DNAJC5B: variants seen among roughly 807,000 people sequenced by gnomAD.
DNAJC5B encodes DnaJ heat shock protein family (Hsp40) member C5 beta.
In DNAJC5B, 23 loss-of-function variants were observed where a neutral mutation model predicts 24.7. The ratio of observed to expected loss-of-function variants is 0.93; its 90% confidence interval spans 0.67 to 1.32. The LOEUF is 1.32. DNAJC5B is among the 40% of genes most tolerant of loss of function. The pLI is 0.00. For missense variants in DNAJC5B, 238 were observed against 240.8 expected, an observed-to-expected ratio of 0.99 and a Z score of 0.08; for synonymous variants, 101 against 90.1, an observed-to-expected ratio of 1.12 and a Z score of -0.68.
At chr8:66,092,321 G>A (rs993818576) in intron 5 of DNAJC5B, among the ~76,000 whole-genome samples, 17 of 152,126 alleles carry the variant, frequency 1.1e-4, no homozygotes, top group Admixed American at 7.2e-4. Flanking sequence ...GGAAATCACA[G>A]GCCTAAGCCA....
chr8:66,090,822 T>G (rs1397013558), intron 5 of DNAJC5B, among the ~76,000 whole-genome samples: 1 of 152,170 alleles, frequency 6.6e-6, no homozygotes, highest in African/African-American at 2.4e-5. Flanking sequence ...CACTCACCAC[T>G]CAAGCTTCAT....
chr8:66,027,240 T>C (rs1806265197), intron 1 of DNAJC5B, among the ~76,000 whole-genome samples: 1 of 152,210 alleles, frequency 6.6e-6, no homozygotes, highest in Admixed American at 6.5e-5. Flanking sequence ...CGGAAATCTT[T>C]GAGATTCATT....
chr8:66,038,974 TA>T (rs1442620922), intron 1 of DNAJC5B, among the ~76,000 whole-genome samples: 1 of 152,206 alleles, frequency 6.6e-6, no homozygotes, highest in African/African-American at 2.4e-5. Flanking sequence ...AAAGTTTACT[TA>T]ACCAAAGGAA....
intron 5 of DNAJC5B, among the ~76,000 whole-genome samples, chr8:66,097,045 C>A (rs1320774008): frequency 6.6e-6 from 1 of 152,148 alleles, no homozygotes; most frequent in South Asian, 2.1e-4. Flanking sequence ...AATAACAACC[C>A]TACCTCATAG....
intron 5 of DNAJC5B, among the ~76,000 whole-genome samples, chr8:66,086,761 C>G (rs1006876068): frequency 1.1e-4 from 16 of 152,034 alleles, no homozygotes; most frequent in African/African-American, 2.7e-4. Context: ...GGAGATTTGA[C>G]CAGCATATGA....
chr8:66,084,950 A>G (rs1807688035), intron 5 of DNAJC5B, among the ~76,000 whole-genome samples: 1 of 152,156 alleles, frequency 6.6e-6, no homozygotes, highest in Non-Finnish European at 1.5e-5. Context: ...TATGTTTAAC[A>G]TTTAGATTTA....
intron 5 of DNAJC5B, among the ~76,000 whole-genome samples, chr8:66,096,488 A>T (rs1359567522): frequency 6.6e-6 from 1 of 151,998 alleles, no homozygotes; most frequent in Non-Finnish European, 1.5e-5. Flanking sequence ...GTGATGATGA[A>T]TTTTTCTATT....
upstream of DNAJC5B, among the ~76,000 whole-genome samples, chr8:66,021,258 A>C (rs935534979): frequency 5.9e-5 from 9 of 152,114 alleles, no homozygotes; most frequent in Non-Finnish European, 1.3e-4. Context: ...GAGTTAGATG[A>C]GAATCTGGTC....
intron 3 of DNAJC5B, among the ~76,000 whole-genome samples, chr8:66,075,494 A>G (rs1463561215): frequency 2.6e-5 from 4 of 152,208 alleles, no homozygotes; most frequent in Non-Finnish European, 5.9e-5. Flanking sequence ...ATTTTATGCT[A>G]TTAGCAAATA....
chr8:66,022,203 G>A (rs764028626), intron 1 of DNAJC5B, among the ~76,000 whole-genome samples: 7 of 152,200 alleles, frequency 4.6e-5, no homozygotes, highest in East Asian at 1.9e-4. Context: ...CCCCCACCCC[G>A]CCCCCAGCAA....
chr8:66,098,322 G>A (rs1289166057), intron 5 of DNAJC5B, among the ~76,000 whole-genome samples: 1 of 152,106 alleles, frequency 6.6e-6, no homozygotes, highest in African/African-American at 2.4e-5. Context: ...CCTTGCCTCA[G>A]CCTCCTGAAT....
At chr8:66,043,861 C>G (rs1365576294) in intron 2 of DNAJC5B, among the ~76,000 whole-genome samples, 1 of 145,064 alleles carries the variant, frequency 6.9e-6, no homozygotes, top group African/African-American at 2.6e-5. Context: ...GGGTCTCACT[C>G]TGTCACCCAG....
At chr8:66,099,036 T>TCACA (rs34531773) in intron 5 of DNAJC5B, among the ~76,000 whole-genome samples, 12,984 of 146,142 alleles carry the variant, frequency 0.089, 921 homozygotes, top group African/African-American at 0.2. Context: ...TCTCTCTCTG[T>TCACA]CACACACACA....
chr8:66,018,782 G>A (rs1489632340), upstream of DNAJC5B, among the ~76,000 whole-genome samples: 3 of 152,144 alleles, frequency 2.0e-5, no homozygotes, highest in Non-Finnish European at 2.9e-5. Context: ...CAGGTGGTCT[G>A]TAGAACACAA....
At chr8:66,088,665 C>T (rs746040927) in intron 5 of DNAJC5B, among the ~76,000 whole-genome samples, 4 of 152,160 alleles carry the variant, frequency 2.6e-5, no homozygotes, top group Non-Finnish European at 4.4e-5. Context: ...GAAATTTCTT[C>T]CACCAGATAC....
At chr8:66,029,759 T>C (rs1806321374) in intron 1 of DNAJC5B, among the ~76,000 whole-genome samples, 1 of 152,162 alleles carries the variant, frequency 6.6e-6, no homozygotes, top group Admixed American at 6.5e-5. Context: ...CACCTGGGTT[T>C]CTGGCATGGC....
chr8:66,061,307 G>A (rs1304347329), intron 3 of DNAJC5B, among the ~76,000 whole-genome samples: 1 of 152,094 alleles, frequency 6.6e-6, no homozygotes, highest in Non-Finnish European at 1.5e-5. Context: ...ATGAGTGCAA[G>A]GTATTCGGAA....
chr8:66,064,816 C>A (rs1807155519), intron 3 of DNAJC5B, among the ~76,000 whole-genome samples: 1 of 152,104 alleles, frequency 6.6e-6, no homozygotes, highest in Admixed American at 6.6e-5. Context: ...AAAGTAGTGC[C>A]TTATGATTGG....
chr8:66,057,928 C>G (rs925935006), intron 3 of DNAJC5B: 1 of 152,148 alleles, frequency 6.6e-6, no homozygotes, highest in African/African-American at 2.4e-5. Flanking sequence ...AAAGGAAGTT[C>G]TTCGAAAGAA....
Sources: gnomAD v4.1 joint callset for allele counts (sites outside exome capture counted in the v4.1 genomes callset) on GRCh38, gnomAD v4.1.1 for gene constraint, MANE v1.5 for transcripts, NCBI Gene and HGNC (gene_info 2026-07-23, HGNC 2026-07-21) for gene names.